HDAC9: variants seen among roughly 807,000 people sequenced by gnomAD.
HDAC9 encodes the protein histone deacetylase 9.
A neutral mutation model predicts 139.4 loss-of-function variants in HDAC9; 41 were observed. That is an observed-to-expected ratio of 0.29 (90% CI 0.23 to 0.38). The LOEUF is 0.38. Among genes scored for constraint, HDAC9 ranks in the 10% least tolerant of loss-of-function variants. HDAC9 has a pLI of 1.00. For synonymous variants in HDAC9, 517 were observed against 476.2 expected (o/e 1.09, Z -1.12); for missense variants, 1,147 against 1,297.0 (o/e 0.88, Z 1.78).
At chr7:18,377,926 G>T (rs1785120049) in intron 1 of HDAC9, among the ~76,000 whole-genome samples, 1 of 152,076 alleles carries the variant, frequency 6.6e-6, no homozygotes, top group African/African-American at 2.4e-5. Flanking sequence ...CAAGAAAATG[G>T]TTTAATTTTA....
At chr7:18,192,131 G>T (rs980437149) in intron 2 of HDAC9, among the ~76,000 whole-genome samples, 1 of 152,156 alleles carries the variant, frequency 6.6e-6, no homozygotes. Context: ...GGGCGGGGGG[G>T]TGTCACAGTA....
At position 18,158,282 on chromosome 7, in the gene HDAC9, G is replaced by A. The variant is rs184714783; in HGVS notation, c.-96-3947G>A. On this transcript the variant is annotated intron_variant, in intron 1 of 12. Coordinates refer to the HDAC9 transcript ENST00000417496. ...CATGAAGTCTAAGTCAAATTTGAAA[G>A]CTTCTGTTGTGAGTTGATTTGTAGA... Among the ~76,000 whole-genome samples, 554 of 152,262 alleles carry A rather than the reference G, an allele frequency of 3.6e-3. 1 individual carries two copies. Among genetic ancestry groups the A allele is most frequent in the Non-Finnish European group, 5.1e-3 (349 of 68,022 alleles).
At chr7:18,807,864 G>T (rs1421404132) in intron 17 of HDAC9, 1 of 152,144 alleles carries the variant, frequency 6.6e-6, no homozygotes, top group Non-Finnish European at 1.5e-5. Flanking sequence ...CCTGGAGAAT[G>T]TTCTGTGTGC....
Position 18,249,514 on chromosome 7 carries a change from A to C in HDAC9, c.25+87165A>C, listed in dbSNP as rs575892432. On this transcript the variant is annotated intron_variant, in intron 2 of 12. Coordinates refer to the HDAC9 transcript ENST00000417496. ...CAAGACTCTGTCTCAAAAAAAAAAA[A>C]AAAAAAAAACAAAAAAAAAACTTTC... Among the ~76,000 whole-genome samples, 508 of 148,566 alleles carry C rather than the reference A, an allele frequency of 3.4e-3. 5 individuals carry two copies. The East Asian group carries it at 0.045, about 13-fold the overall frequency.
intron 21 of HDAC9, among the ~76,000 whole-genome samples, chr7:18,841,295 T>C (rs1490613106): frequency 6.6e-6 from 1 of 152,056 alleles, no homozygotes; most frequent in African/African-American, 2.4e-5. Flanking sequence ...AAGTAAATAC[T>C]GTTTGGATTT....
intron 1 of HDAC9, among the ~76,000 whole-genome samples, chr7:18,388,226 C>T (rs1786122555): frequency 6.6e-6 from 1 of 152,042 alleles, no homozygotes; most frequent in South Asian, 2.1e-4. Flanking sequence ...CCAAGTTGTC[C>T]CTAGAGTATT....
At chr7:18,100,627 A>G (rs1782787515) in intron 1 of HDAC9, among the ~76,000 whole-genome samples, 1 of 152,168 alleles carries the variant, frequency 6.6e-6, no homozygotes, top group African/African-American at 2.4e-5. Context: ...ACAATTTTCC[A>G]TGTCCCTATT....
chr7:18,252,961 G>A (rs167311), intron 2 of HDAC9, among the ~76,000 whole-genome samples: 117,545 of 152,072 alleles, frequency 0.77, 45,601 homozygotes, highest in South Asian at 0.85. Context: ...CTATCTGTCC[G>A]TGTGTTCTCC....
At chr7:18,274,322 A>G (rs886321717) in intron 2 of HDAC9, among the ~76,000 whole-genome samples, 5 of 152,144 alleles carry the variant, frequency 3.3e-5, no homozygotes, top group African/African-American at 1.2e-4. Context: ...GCTTCAACTC[A>G]TGGTGGAAAA....
chr7:18,437,046 T>G (rs1339214648), intron 1 of HDAC9, among the ~76,000 whole-genome samples: 1 of 152,216 alleles, frequency 6.6e-6, no homozygotes, highest in East Asian at 1.9e-4. Context: ...ACTCTGTAAA[T>G]TTCCTCACAG....
At chr7:18,268,670 T>C (rs544787673) in intron 2 of HDAC9, among the ~76,000 whole-genome samples, 15 of 152,322 alleles carry the variant, frequency 9.8e-5, no homozygotes, top group Admixed American at 5.9e-4. Flanking sequence ...TAGTATTCAT[T>C]ACACTGATTA....
At chr7:18,486,774 C>T (rs113575576) in intron 1 of HDAC9, among the ~76,000 whole-genome samples, 2,093 of 151,858 alleles carry the variant, frequency 0.014, 45 homozygotes, top group African/African-American at 0.046. Flanking sequence ...GGTATAATTT[C>T]GTCCAGAAAA....
chr7:18,288,172 C>T (rs930310385), upstream of HDAC9, among the ~76,000 whole-genome samples: 1 of 152,146 alleles, frequency 6.6e-6, no homozygotes, highest in African/African-American at 2.4e-5. Context: ...CAGTGCAGCT[C>T]CATCAGTGCT....
At chr7:18,992,595 T>C (rs1382837999) in intron 25 of HDAC9, among the ~76,000 whole-genome samples, 2 of 152,196 alleles carry the variant, frequency 1.3e-5, no homozygotes, top group Non-Finnish European at 2.9e-5. Flanking sequence ...TACGTAACAG[T>C]GTTAATATAA....
At chr7:18,324,596 C>T (rs566554467) in intron 1 of HDAC9, among the ~76,000 whole-genome samples, 3 of 152,278 alleles carry the variant, frequency 2.0e-5, no homozygotes, top group South Asian at 4.1e-4. Flanking sequence ...GTGGTCCTCA[C>T]ACCAGCACGG....
chr7:18,247,872 T>C (rs1794657432), intron 2 of HDAC9, among the ~76,000 whole-genome samples: 1 of 152,172 alleles, frequency 6.6e-6, no homozygotes, highest in Admixed American at 6.5e-5. Context: ...CTTAATATTT[T>C]ACAAAATAAA....
chr7:18,993,806 AATAC>A (rs888951011), intron 25 of HDAC9, among the ~76,000 whole-genome samples: 3 of 152,170 alleles, frequency 2.0e-5, no homozygotes, highest in African/African-American at 7.2e-5. Flanking sequence ...CTGTCTCAAA[AATAC>A]ATAAATAAAT....
chr7:18,466,459 G>A (rs1313574986), intron 1 of HDAC9, among the ~76,000 whole-genome samples: 1 of 152,186 alleles, frequency 6.6e-6, no homozygotes, highest in Non-Finnish European at 1.5e-5. Flanking sequence ...GCCTCCCAAA[G>A]TTCTAGGATT....
chr7:18,368,074 T>C (rs1188984073), intron 1 of HDAC9, among the ~76,000 whole-genome samples: 1 of 152,168 alleles, frequency 6.6e-6, no homozygotes, highest in African/African-American at 2.4e-5. Context: ...TAATCCCGTG[T>C]CAATTTTATT....
Sources: gnomAD v4.1 joint callset for allele counts (sites outside exome capture counted in the v4.1 genomes callset) on GRCh38, gnomAD v4.1.1 for gene constraint, MANE v1.5 for transcripts, NCBI Gene and HGNC (gene_info 2026-07-23, HGNC 2026-07-21) for gene names.